The following SMIM10L3 variants were observed in gnomAD, a reference collection of about 807,000 sequenced individuals.
The protein encoded by SMIM10L3 is small integral membrane protein 10 like 3.
At chr7:6,343,163 G>A in the SMIM10L3 span, among the ~76,000 whole-genome samples, 52,324 of 151,244 alleles carry the variant, frequency 0.35, 10,041 homozygotes, top group East Asian at 0.82. Flanking sequence ...GATCCCCTGA[G>A]GTCAGGAGTT....
chr7:6,330,685 C>A, the SMIM10L3 span: 1 of 1,614,062 alleles, frequency 6.2e-7, no homozygotes, highest in Non-Finnish European at 8.5e-7. Flanking sequence ...TTTTTGATGG[C>A]GTGGCAGTCG....
chr7:6,336,322 T>A, the SMIM10L3 span, among the ~76,000 whole-genome samples: 1 of 151,930 alleles, frequency 6.6e-6, no homozygotes, highest in Non-Finnish European at 1.5e-5. Flanking sequence ...TACTCCAGCC[T>A]GCGCAATTAG....
the SMIM10L3 span, among the ~76,000 whole-genome samples, chr7:6,342,987 T>C: frequency 6.7e-6 from 1 of 149,484 alleles, no homozygotes; most frequent in African/African-American, 2.5e-5. Context: ...TAGTGAGCTA[T>C]GATCGCACCA....
the SMIM10L3 span, among the ~76,000 whole-genome samples, chr7:6,343,803 G>A: frequency 1.6e-4 from 25 of 152,046 alleles, no homozygotes; most frequent in Non-Finnish European, 3.5e-4. Context: ...CTAGGGAGGA[G>A]GGGCTCCCTA....
chr7:6,338,576 G>T, the SMIM10L3 span: 1 of 152,320 alleles, frequency 6.6e-6, no homozygotes. Context: ...AGCCAGGGAG[G>T]TCACAGGGGC....
chr7:6,330,742 G>T, the SMIM10L3 span: 1 of 1,614,160 alleles, frequency 6.2e-7, no homozygotes, highest in Non-Finnish European at 8.5e-7. Flanking sequence ...GTGGCCGTCA[G>T]TGGCCCTGGG....
chr7:6,343,325 C>CA, the SMIM10L3 span, among the ~76,000 whole-genome samples: 1 of 145,992 alleles, frequency 6.8e-6, no homozygotes, highest in East Asian at 2.0e-4. Flanking sequence ...TGCAGTGATC[C>CA]AAAATCACAC....
chr7:6,344,224 G>A, the SMIM10L3 span, among the ~76,000 whole-genome samples: 22 of 151,402 alleles, frequency 1.5e-4, no homozygotes, highest in Admixed American at 8.6e-4. Context: ...CCCTTTACCA[G>A]AAAGCCACAA....
the SMIM10L3 span, among the ~76,000 whole-genome samples, chr7:6,345,505 G>C: frequency 6.6e-6 from 1 of 152,112 alleles, no homozygotes; most frequent in African/African-American, 2.4e-5. Flanking sequence ...ATACAGTAGG[G>C]TAGACTAGAG....
chr7:6,337,763 TTTAA>T, the SMIM10L3 span, among the ~76,000 whole-genome samples: 1 of 151,684 alleles, frequency 6.6e-6, no homozygotes, highest in Non-Finnish European at 1.5e-5. Flanking sequence ...TAATAAACTA[TTTAA>T]TTCTCTCATC....
the SMIM10L3 span, among the ~76,000 whole-genome samples, chr7:6,340,756 G>A: frequency 2.6e-4 from 40 of 151,254 alleles, no homozygotes; most frequent in Non-Finnish European, 4.6e-4. Flanking sequence ...AAAATTAGCC[G>A]GGCGTGGTGG....
chr7:6,348,527 G>A, the SMIM10L3 span: 1 of 413,430 alleles, frequency 2.4e-6, no homozygotes. Context: ...CGGGCGAGGC[G>A]GGCGCTCGGG....
At chr7:6,333,302 T>G in the SMIM10L3 span, among the ~76,000 whole-genome samples, 1 of 152,106 alleles carries the variant, frequency 6.6e-6, no homozygotes, top group Non-Finnish European at 1.5e-5. Context: ...AGCCGGTGAT[T>G]GGAGCCAGCC....
At chr7:6,347,702 G>A in the SMIM10L3 span, among the ~76,000 whole-genome samples, 2 of 151,656 alleles carry the variant, frequency 1.3e-5, no homozygotes, top group Non-Finnish European at 2.9e-5. Flanking sequence ...GCCAAAATAC[G>A]GTACATTTAT....
chr7:6,344,032 T>G, the SMIM10L3 span, among the ~76,000 whole-genome samples: 1 of 151,874 alleles, frequency 6.6e-6, no homozygotes, highest in Non-Finnish European at 1.5e-5. Context: ...ACTACAGGCA[T>G]GCACCACTAC....
the SMIM10L3 span, chr7:6,330,076 CAG>C: frequency 2.9e-6 from 1 of 347,536 alleles, no homozygotes; most frequent in South Asian, 3.8e-5. Context: ...ATGTTGAAGA[CAG>C]AACTTCATGG....
chr7:6,341,227 G>A, the SMIM10L3 span, among the ~76,000 whole-genome samples: 402 of 151,162 alleles, frequency 2.7e-3, 2 homozygotes, highest in Middle Eastern at 0.01. Flanking sequence ...GGTAGATCAG[G>A]AGGTCAGGAG....
the SMIM10L3 span, among the ~76,000 whole-genome samples, chr7:6,332,824 G>T: frequency 6.6e-6 from 1 of 152,144 alleles, no homozygotes; most frequent in Non-Finnish European, 1.5e-5. Context: ...ATGGAACTAG[G>T]AGACTCTTAA....
the SMIM10L3 span, among the ~76,000 whole-genome samples, chr7:6,339,632 C>A: frequency 6.6e-6 from 1 of 151,756 alleles, no homozygotes; most frequent in Non-Finnish European, 1.5e-5. Context: ...TACAGGCGCC[C>A]GCCACCACGC....
Sources: gnomAD v4.1 joint callset for allele counts (sites outside exome capture counted in the v4.1 genomes callset) on GRCh38, gnomAD v4.1.1 for gene constraint, MANE v1.5 for transcripts, NCBI Gene and HGNC (gene_info 2026-07-23, HGNC 2026-07-21) for gene names.